Variants in XKR4 observed in about 807,000 individuals in gnomAD.
The protein encoded by XKR4 is XK-related protein 4.
In XKR4, 12 loss-of-function variants were observed where a neutral mutation model predicts 53.9. The ratio of observed to expected loss-of-function variants is 0.22; its 90% confidence interval spans 0.14 to 0.36. The LOEUF is 0.36. Among genes scored for constraint, XKR4 ranks in the 10% least tolerant of loss-of-function variants. XKR4 has a pLI of 1.00. For synonymous variants in XKR4, 354 were observed against 362.4 expected (o/e 0.98, Z 0.26); for missense variants, 799 against 859.5 (o/e 0.93, Z 0.88).
intron 1 of XKR4, among the ~76,000 whole-genome samples, chr8:55,276,171 T>C (rs1818761016): frequency 6.6e-6 from 1 of 152,198 alleles, no homozygotes. Flanking sequence ...ATTTAAAATG[T>C]CATTCTTTTC....
chr8:55,239,484 T>C (rs1161785978), intron 1 of XKR4, among the ~76,000 whole-genome samples: 1 of 152,234 alleles, frequency 6.6e-6, no homozygotes, highest in Admixed American at 6.5e-5. Context: ...CTCTGGAGAA[T>C]AGGAACATGT....
chr8:55,151,849 T>C (rs1299727362), intron 1 of XKR4, among the ~76,000 whole-genome samples: 1 of 152,158 alleles, frequency 6.6e-6, no homozygotes, highest in Admixed American at 6.6e-5. Context: ...TTCCAATGAG[T>C]GAATTCACCA....
chr8:55,108,606 A>AATATTAAAG (rs1563458290), intron 1 of XKR4, among the ~76,000 whole-genome samples: 1 of 152,090 alleles, frequency 6.6e-6, no homozygotes, highest in Non-Finnish European at 1.5e-5. Context: ...TTATATTAAA[A>AATATTAAAG]TAATATTAAA....
intron 1 of XKR4, among the ~76,000 whole-genome samples, chr8:55,153,636 C>T (rs1816867273): frequency 6.6e-6 from 1 of 152,158 alleles, no homozygotes; most frequent in African/African-American, 2.4e-5. Context: ...AGTTCCAATA[C>T]AAAAGTAACA....
intron 1 of XKR4, among the ~76,000 whole-genome samples, chr8:55,297,658 A>C (rs1819119885): frequency 6.6e-6 from 1 of 152,208 alleles, no homozygotes; most frequent in African/African-American, 2.4e-5. Flanking sequence ...TTAACACATA[A>C]GTTTTTAAAA....
In XKR4 at chr8:55,392,788, C is replaced by T. The variant is rs189062737; in HGVS notation, c.1006+34911C>T. The stretch of plus-strand genomic sequence containing the variant: ...CCTGGGCAAAAGAGCCAGACCCTTT[C>T]TCAAATAAATAAATAAATATCAATG... On this transcript the variant is annotated intron_variant, in intron 2 of 2. Transcript: ENST00000327381. Among the ~76,000 whole-genome samples, 88 of 152,182 alleles carry T rather than the reference C, an allele frequency of 5.8e-4. No individual in the cohort carries two copies. In the East Asian group the frequency reaches 0.013, roughly 22 times the overall value.
Position 55,117,034 on chromosome 8 carries a change from T to C in XKR4, c.806+13740T>C, listed in dbSNP as rs1011891751. Among the ~76,000 whole-genome samples, 5 of 152,338 alleles carry C rather than the reference T, an allele frequency of 3.3e-5. No individual in the cohort carries two copies. In the East Asian group the frequency reaches 9.6e-4, roughly 29 times the overall value. ...TCTATCGTATTATTTTTATTCTGATTTCACGTTGAACCAATAATGTTTTGG... is the reference window on the plus strand; with the variant it reads ...TCTATCGTATTATTTTTATTCTGATCTCACGTTGAACCAATAATGTTTTGG... On this transcript the variant is annotated intron_variant, in intron 1 of 2. Transcript: ENST00000327381.
chr8:55,369,499 G>A (rs1005409100), intron 2 of XKR4, among the ~76,000 whole-genome samples: 19 of 110,776 alleles, frequency 1.7e-4, no homozygotes, highest in Non-Finnish European at 2.8e-4. Flanking sequence ...AGAAAGAAAA[G>A]AAAAGAAAGA....
intron 2 of XKR4, among the ~76,000 whole-genome samples, chr8:55,423,295 A>G (rs1275459386): frequency 1.3e-5 from 2 of 152,068 alleles, no homozygotes; most frequent in South Asian, 4.1e-4. Flanking sequence ...GGGTTTCACC[A>G]TGTTGGCCAG....
At chr8:55,106,392 G>A (rs752569469) in intron 1 of XKR4, among the ~76,000 whole-genome samples, 6 of 152,178 alleles carry the variant, frequency 3.9e-5, no homozygotes, top group East Asian at 1.9e-4. Context: ...TTTTAAAGTC[G>A]CAGGAGGTGA....
At chr8:55,289,098 A>G (rs1161155089) in intron 1 of XKR4, among the ~76,000 whole-genome samples, 2 of 152,174 alleles carry the variant, frequency 1.3e-5, no homozygotes, top group Non-Finnish European at 2.9e-5. Context: ...GTTTTTTACT[A>G]TTATGAATAA....
chr8:55,283,780 C>A (rs932784607), intron 1 of XKR4, among the ~76,000 whole-genome samples: 2 of 152,188 alleles, frequency 1.3e-5, no homozygotes, highest in Non-Finnish European at 2.9e-5. Flanking sequence ...ATCAGATGCT[C>A]TCCTGGAAGC....
chr8:55,419,907 C>T (rs1244715479), intron 2 of XKR4, among the ~76,000 whole-genome samples: 4 of 152,166 alleles, frequency 2.6e-5, no homozygotes. Flanking sequence ...CCTTCTGTAT[C>T]CAACTCTTAA....
intron 2 of XKR4, among the ~76,000 whole-genome samples, chr8:55,434,950 C>CA (rs1306723659): frequency 1.3e-5 from 2 of 152,150 alleles, no homozygotes; most frequent in Admixed American, 6.5e-5. Flanking sequence ...CCTTACTCCA[C>CA]AAAAATCAGC....
At chr8:55,119,330 T>C (rs978755530) in intron 1 of XKR4, among the ~76,000 whole-genome samples, 12 of 152,078 alleles carry the variant, frequency 7.9e-5, no homozygotes, top group East Asian at 5.8e-4. Context: ...AAGAGACTCT[T>C]AGACTGGGAA....
intron 2 of XKR4, among the ~76,000 whole-genome samples, chr8:55,439,852 T>C (rs991425137): frequency 1.3e-5 from 2 of 152,190 alleles, no homozygotes; most frequent in African/African-American, 4.8e-5. Context: ...ATGTCTATCT[T>C]CATACTCAAG....
At chr8:55,502,916 C>T (rs1351616685) in intron 2 of XKR4, among the ~76,000 whole-genome samples, 2 of 152,050 alleles carry the variant, frequency 1.3e-5, no homozygotes, top group African/African-American at 4.8e-5. Context: ...AAGAGTCCAC[C>T]CTTTTTGCAT....
chr8:55,104,211 C>T (rs1366427401), intron 1 of XKR4, among the ~76,000 whole-genome samples: 1 of 152,108 alleles, frequency 6.6e-6, no homozygotes, highest in Non-Finnish European at 1.5e-5. Context: ...AAATAGTATG[C>T]TCAGGAATAC....
At chr8:55,443,839 C>CAAAA (rs1159375100) in intron 2 of XKR4, among the ~76,000 whole-genome samples, 7 of 21,304 alleles carry the variant, frequency 3.3e-4, no homozygotes, top group Non-Finnish European at 4.2e-4. Context: ...AACTCCGTCT[C>CAAAA]AAAAAAAAAA....
Sources: gnomAD v4.1 joint callset for allele counts (sites outside exome capture counted in the v4.1 genomes callset) on GRCh38, gnomAD v4.1.1 for gene constraint, MANE v1.5 for transcripts, NCBI Gene and HGNC (gene_info 2026-07-23, HGNC 2026-07-21) for gene names.